The following MARCHF1 variants were observed in gnomAD, a reference collection of about 807,000 sequenced individuals.
MARCHF1 encodes E3 ubiquitin-protein ligase MARCHF1.
Under a neutral mutation model 54.2 loss-of-function variants are expected in MARCHF1, and 40 were observed. That is an observed-to-expected ratio of 0.74 (90% CI 0.57 to 0.96). The LOEUF (loss-of-function observed/expected upper bound fraction) is 0.96. MARCHF1 is among the 40% of genes least tolerant of loss of function. The probability of loss-of-function intolerance (pLI) is 0.00; values close to 1 mark genes in which losing one functional copy is unlikely to be tolerated. For synonymous variants in MARCHF1, 236 were observed against 236.3 expected, an observed-to-expected ratio of 1.00 and a Z score of 0.01; for missense variants, 586 against 656.5, an observed-to-expected ratio of 0.89 and a Z score of 1.17.
At position 163,612,945 on chromosome 4, in the gene MARCHF1, T is replaced by C. The variant is rs1374138750; in HGVS notation, c.336A>G (p.Lys112=). ...LSPARKESGK[K]SVIQRPRRRR... ...TCCTCCTAGGTCTTTGTATTACTGA[T>C]TTCTTACCAGACTCCTTCCTAGCAG... The change falls in exon 7 of 10, where the codon AAA becomes AAG. Residue 112 remains lysine (K), a synonymous_variant. Coordinates refer to ENST00000514618, the MANE Select transcript of MARCHF1 (RefSeq NM_001394959.1). 4.2e-5 allele frequency: 64 copies of C among 1,535,030 alleles called. No homozygotes were observed. The highest frequency in any genetic ancestry group is 5.3e-5 in the Non-Finnish European group (61 of 1,146,384).
chr4:163,578,055 C>T (rs1362301716), intron 8 of MARCHF1, among the ~76,000 whole-genome samples: 1 of 151,744 alleles, frequency 6.6e-6, no homozygotes, highest in Non-Finnish European at 1.5e-5. Context: ...CTGACTTCTG[C>T]ACACTCTAAC....
At chr4:164,084,378 A>C (rs1487962450) in intron 2 of MARCHF1, among the ~76,000 whole-genome samples, 1 of 151,936 alleles carries the variant, frequency 6.6e-6, no homozygotes, top group African/African-American at 2.4e-5. Context: ...TGAATTAAAT[A>C]GAATTGCATT....
chr4:164,239,725 TA>T (rs1732671388), intron 1 of MARCHF1, among the ~76,000 whole-genome samples: 1 of 152,212 alleles, frequency 6.6e-6, no homozygotes. Flanking sequence ...GCATTAATGT[TA>T]AACTTGATCA....
intron 1 of MARCHF1, among the ~76,000 whole-genome samples, chr4:164,323,597 CAAAAAAAAAAAA>C (rs70952622): frequency 3.2e-5 from 1 of 30,928 alleles, no homozygotes; most frequent in Non-Finnish European, 5.1e-5. Context: ...GGATGAGTAG[CAAAAAAAAAAAA>C]AAAAAAAAAA....
rs1730883020 is a variant in MARCHF1 at position 164,183,326 on chromosome 4, G to A, written c.-322-71664C>T. On this transcript the variant is annotated intron_variant, in intron 1 of 9. Transcript: ENST00000514618. ...ATGTAATGCATAAAAAGTGGTATTT[G>A]AGAATTATCTGTTCAAATCTTTACT... Among the ~76,000 whole-genome samples, 3 of 152,066 alleles carry A rather than the reference G, an allele frequency of 2.0e-5. No homozygotes were observed. In the South Asian group the frequency reaches 6.2e-4, roughly 31 times the overall value.
intron 1 of MARCHF1, among the ~76,000 whole-genome samples, chr4:164,358,213 G>A (rs906164804): frequency 4.6e-5 from 7 of 152,106 alleles, no homozygotes; most frequent in East Asian, 1.9e-4. Flanking sequence ...CTGACCCCAC[G>A]TGTTAATGAA....
rs553526269 is a variant in MARCHF1, at chr4:163,669,893, C to T, written c.162+30920G>A. ...CATTACAGGTGTGAGCCACCGCTCCCGGCCTGAGATGTTTATCTTCTTATG... is the reference window on the plus strand; with the variant it reads ...CATTACAGGTGTGAGCCACCGCTCCTGGCCTGAGATGTTTATCTTCTTATG... On this transcript the variant is annotated intron_variant, in intron 5 of 9. Coordinates refer to ENST00000514618, the MANE Select transcript of MARCHF1 (RefSeq NM_001394959.1). Among the ~76,000 whole-genome samples, 8 of 152,086 alleles carry T rather than the reference C, an allele frequency of 5.3e-5. No homozygotes were observed. In the South Asian group the frequency reaches 6.2e-4, roughly 12 times the overall value.
In MARCHF1 at chr4:164,011,981, G is replaced by A. The variant is rs1334416109; in HGVS notation, c.-247-23272C>T. On this transcript the variant is annotated intron_variant, in intron 2 of 9. Transcript: ENST00000514618. ...CCTTGTCACAGCAGAACACAGCACA[G>A]GGCAGAATTCTGAGAGTGCTCACGG... Among the ~76,000 whole-genome samples, 6 of 152,254 alleles carry A rather than the reference G, an allele frequency of 3.9e-5. No homozygotes were observed. The East Asian group carries it at 1.2e-3, about 29-fold the overall frequency.
At chr4:163,786,812 C>T (rs973585012) in intron 4 of MARCHF1, among the ~76,000 whole-genome samples, 11 of 151,866 alleles carry the variant, frequency 7.2e-5, no homozygotes, top group African/African-American at 2.7e-4. Context: ...AAATTAGTGG[C>T]CTCACACTTC....
intron 1 of MARCHF1, among the ~76,000 whole-genome samples, chr4:164,334,110 G>A (rs530303477): frequency 1.3e-5 from 2 of 152,320 alleles, no homozygotes; most frequent in African/African-American, 2.4e-5. Flanking sequence ...GCATAAAAGT[G>A]CAAGGTGAAG....
At chr4:164,141,986 G>C (rs1004253419) in intron 1 of MARCHF1, among the ~76,000 whole-genome samples, 2 of 140,932 alleles carry the variant, frequency 1.4e-5, no homozygotes, top group South Asian at 2.2e-4. Flanking sequence ...AGCCAAAGTA[G>C]GGCGAGGCAT....
intron 1 of MARCHF1, among the ~76,000 whole-genome samples, chr4:164,283,682 A>C (rs1734079418): frequency 6.6e-6 from 1 of 150,908 alleles, no homozygotes; most frequent in Non-Finnish European, 1.5e-5. Context: ...AACCAAAGAG[A>C]TTGTATACAA....
In MARCHF1 at chr4:164,341,053, T is replaced by G. The variant is rs561365677; in HGVS notation, c.-323+42817A>C. ...ACCTTCAGCAAGTAGAATTTATCCC[T>G]GGGATGCAAGGATGGTACATTTGTA... On this transcript the variant is annotated intron_variant, in intron 1 of 9. Transcript: ENST00000514618. Among the ~76,000 whole-genome samples the G allele has an allele frequency of 4.5e-4, 69 of 152,208 alleles. No homozygotes were observed. In the Middle Eastern group the frequency reaches 0.01, roughly 23 times the overall value.
intron 1 of MARCHF1, among the ~76,000 whole-genome samples, chr4:164,369,115 G>T (rs1193081123): frequency 3.9e-5 from 6 of 152,144 alleles, no homozygotes; most frequent in African/African-American, 1.4e-4. Flanking sequence ...CCGGGGATGA[G>T]GGTGGTGGTT....
chr4:163,712,024 T>A (rs1191992936), intron 4 of MARCHF1, among the ~76,000 whole-genome samples: 2 of 152,178 alleles, frequency 1.3e-5, no homozygotes, highest in African/African-American at 2.4e-5. Flanking sequence ...TAAAAACCTA[T>A]CAAGTAGGTT....
intron 2 of MARCHF1, among the ~76,000 whole-genome samples, chr4:164,099,420 C>G (rs1370379103): frequency 6.6e-6 from 1 of 152,010 alleles, no homozygotes; most frequent in Non-Finnish European, 1.5e-5. Flanking sequence ...ATTTCTTTGT[C>G]AAAACATCTT....
At chr4:163,596,561 A>T (rs1351156952) in intron 7 of MARCHF1, among the ~76,000 whole-genome samples, 3 of 147,988 alleles carry the variant, frequency 2.0e-5, no homozygotes, top group Non-Finnish European at 4.5e-5. Flanking sequence ...AAAAAAAAAA[A>T]AAGAATCATC....
At chr4:164,065,623 A>G (rs896467139) in intron 2 of MARCHF1, among the ~76,000 whole-genome samples, 13 of 152,176 alleles carry the variant, frequency 8.5e-5, no homozygotes, top group Non-Finnish European at 1.8e-4. Context: ...ATTGGCTCAC[A>G]TGATCACAAG....
chr4:164,063,366 A>G (rs890563232), intron 2 of MARCHF1, among the ~76,000 whole-genome samples: 6 of 152,180 alleles, frequency 3.9e-5, no homozygotes, highest in Non-Finnish European at 8.8e-5. Flanking sequence ...ACTTTCATCA[A>G]TTATCTTAGC....
Sources: gnomAD v4.1 joint callset for allele counts (sites outside exome capture counted in the v4.1 genomes callset) on GRCh38, gnomAD v4.1.1 for gene constraint, MANE v1.5 for transcripts, NCBI Gene and HGNC (gene_info 2026-07-23, HGNC 2026-07-21) for gene names.